The following ALPK2 variants were observed in gnomAD, a reference collection of about 807,000 sequenced individuals.
ALPK2 encodes the protein alpha-protein kinase 2.
Under a neutral mutation model 163.1 loss-of-function variants are expected in ALPK2, and 127 were observed. The ratio of observed to expected loss-of-function variants is 0.78; its 90% confidence interval spans 0.67 to 0.90. The LOEUF is 0.90. ALPK2 is among the 40% of genes least tolerant of loss of function. The pLI is 0.00. For missense variants in ALPK2, 2,360 were observed against 2,589.6 expected (o/e 0.91, Z 1.92); for synonymous variants, 953 against 959.1 (o/e 0.99, Z 0.12).
intron 8 of ALPK2, among the ~76,000 whole-genome samples, chr18:58,517,593 A>AC (rs2051528982): frequency 1.3e-5 from 2 of 148,224 alleles, no homozygotes; most frequent in Non-Finnish European, 3.0e-5. Flanking sequence ...ATTGCCCCCC[A>AC]CCCCCCGCAA....
At chr18:58,554,111 C>T (rs1251093656) in intron 4 of ALPK2, among the ~76,000 whole-genome samples, 4 of 152,112 alleles carry the variant, frequency 2.6e-5, no homozygotes, top group African/African-American at 7.2e-5. Flanking sequence ...TCCGCTGCCT[C>T]GGCCTCCCAA....
At chr18:58,515,873 TGA>T in intron 9 of ALPK2, among the ~76,000 whole-genome samples, 1 of 152,316 alleles carries the variant, frequency 6.6e-6, no homozygotes, top group East Asian at 1.9e-4. Flanking sequence ...ACAGAGCTGG[TGA>T]AAGACCCAAC....
intron 4 of ALPK2, among the ~76,000 whole-genome samples, chr18:58,570,604 G>A (rs753491791): frequency 1.3e-5 from 2 of 152,222 alleles, no homozygotes; most frequent in Non-Finnish European, 1.5e-5. Flanking sequence ...AACTCTCAAG[G>A]TGTGAATACA....
chr18:58,557,481 C>T (rs1274103216), intron 4 of ALPK2, among the ~76,000 whole-genome samples: 3 of 151,824 alleles, frequency 2.0e-5, no homozygotes, highest in African/African-American at 4.8e-5. Flanking sequence ...TCTCTGATGC[C>T]GTGTAGATAG....
chr18:58,533,115 A>G (rs2051624724), intron 5 of ALPK2, among the ~76,000 whole-genome samples: 1 of 152,120 alleles, frequency 6.6e-6, no homozygotes, highest in African/African-American at 2.4e-5. Flanking sequence ...CCTCGCATCT[A>G]CCTGCTTTGC....
Position 58,537,992 on chromosome 18 carries a change from T to C in ALPK2, c.2195A>G (p.Asn732Ser), listed in dbSNP as rs1210123703. Residue 732 changes from asparagine (N) to serine (S), a missense_variant, in exon 5 of 13, where the codon AAT becomes AGT. Transcript: ENST00000361673. ...KQDRDGNIPD[N>S]FREDLKYEQS... ...CTCATATTTTAGGTCTTCCCTGAAATTGTCAGGTATGTTGCCATCTCTGTC... is the reference window on the plus strand; with the variant it reads ...CTCATATTTTAGGTCTTCCCTGAAACTGTCAGGTATGTTGCCATCTCTGTC... 6.2e-7 allele frequency: 1 copy of C among 1,614,242 alleles called. No homozygotes were observed. The highest frequency in any genetic ancestry group is 8.5e-7 in the Non-Finnish European group (1 of 1,180,038).
At chr18:58,543,329 C>T (rs1032889925) in intron 4 of ALPK2, 33 of 983,588 alleles carry the variant, frequency 3.4e-5, no homozygotes, top group East Asian at 1.1e-4. Context: ...GTAAAGAAAA[C>T]GGACTAAGTC....
chr18:58,516,152 G>A (rs1217537032), intron 9 of ALPK2, among the ~76,000 whole-genome samples: 2 of 151,908 alleles, frequency 1.3e-5, no homozygotes, highest in South Asian at 2.1e-4. Context: ...CCAGGAGGCC[G>A]AGACTGCTGT....
chr18:58,490,209 G>A (rs1034960632), intron 12 of ALPK2, among the ~76,000 whole-genome samples: 3 of 152,194 alleles, frequency 2.0e-5, no homozygotes, highest in Non-Finnish European at 4.4e-5. Context: ...TTTTGAGGGC[G>A]GGGACGTGGT....
At chr18:58,623,244 T>A (rs1205936524) in intron 1 of ALPK2, among the ~76,000 whole-genome samples, 2 of 150,110 alleles carry the variant, frequency 1.3e-5, no homozygotes, top group Admixed American at 6.6e-5. Flanking sequence ...TCCAGAAGAT[T>A]TTTTTTTAAT....
chr18:58,522,036 TTC>T (rs1307595892), intron 8 of ALPK2, among the ~76,000 whole-genome samples: 4 of 152,204 alleles, frequency 2.6e-5, no homozygotes, highest in Non-Finnish European at 4.4e-5. Flanking sequence ...ATTTCAGGCG[TTC>T]TGTTTGTTTT....
chr18:58,603,642 G>C (rs185887544), intron 3 of ALPK2, among the ~76,000 whole-genome samples: 2 of 152,070 alleles, frequency 1.3e-5, no homozygotes. Flanking sequence ...ATCTAAGTGC[G>C]GGTTCCTGGA....
Position 58,607,267 on chromosome 18 carries a change from A to G in ALPK2, c.227+55T>C. Reference sequence around the variant, plus strand: ...TTGGCCTTACCTCATAGTAATCAGCACATGACAGAATATAAGGATATTAGT... The same window carrying G: ...TTGGCCTTACCTCATAGTAATCAGCGCATGACAGAATATAAGGATATTAGT... On this transcript the variant is annotated intron_variant, in intron 3 of 12. Coordinates refer to ENST00000361673, the MANE Select transcript of ALPK2 (RefSeq NM_052947.4). 3 of 1,307,392 alleles carry G rather than the reference A, an allele frequency of 2.3e-6. No individual in the cohort carries two copies. The Admixed American group carries it at 6.3e-5, about 27-fold the overall frequency. The allele number at this position is 1,307,392 out of a possible 1,614,324, so 81.0% of individuals were successfully genotyped here.
At chr18:58,543,467 T>A in intron 4 of ALPK2, 3 of 911,358 alleles carry the variant, frequency 3.3e-6, no homozygotes, top group Non-Finnish European at 3.9e-6. Context: ...CATGCGGGGC[T>A]CTGGGTTCCA....
chr18:58,546,536 C>A (rs899982118), intron 4 of ALPK2, among the ~76,000 whole-genome samples: 3 of 152,190 alleles, frequency 2.0e-5, no homozygotes, highest in Non-Finnish European at 4.4e-5. Flanking sequence ...ATCCCTACAG[C>A]CTTTTTAACA....
chr18:58,561,587 G>A (rs937022800), intron 4 of ALPK2, among the ~76,000 whole-genome samples: 5 of 152,214 alleles, frequency 3.3e-5, no homozygotes, highest in African/African-American at 1.2e-4. Context: ...AAAACCACCA[G>A]GAAATGGGAA....
intron 10 of ALPK2, among the ~76,000 whole-genome samples, chr18:58,506,198 G>A (rs13381396): frequency 0.23 from 34,357 of 151,804 alleles, 4,391 homozygotes; most frequent in South Asian, 0.42. Flanking sequence ...GGCAACAGTA[G>A]ACACCGGGGA....
chr18:58,564,560 T>C (rs1363144254), intron 4 of ALPK2, among the ~76,000 whole-genome samples: 2 of 144,284 alleles, frequency 1.4e-5, no homozygotes, highest in African/African-American at 2.6e-5. Context: ...CATCATCAGG[T>C]TTTTTTTTTT....
chr18:58,567,151 C>T (rs1363540556), intron 4 of ALPK2, among the ~76,000 whole-genome samples: 2 of 151,554 alleles, frequency 1.3e-5, no homozygotes, highest in East Asian at 1.9e-4. Context: ...TTTGGGAGGC[C>T]GAAGCAGGCA....
Sources: gnomAD v4.1 joint callset for allele counts (sites outside exome capture counted in the v4.1 genomes callset) on GRCh38, gnomAD v4.1.1 for gene constraint, MANE v1.5 for transcripts, NCBI Gene and HGNC (gene_info 2026-07-23, HGNC 2026-07-21) for gene names.